The following PCDH15 variants were observed in gnomAD, a reference collection of about 807,000 sequenced individuals.
PCDH15 encodes protocadherin-15.
PCDH15 carries 129 observed loss-of-function variants against 178.5 expected under a neutral mutation model. The observed-to-expected ratio is 0.72, with a 90% confidence interval of 0.63 to 0.84. The LOEUF is 0.84. Among genes scored for constraint, PCDH15 ranks in the 40% least tolerant of loss-of-function variants. PCDH15 has a pLI of 0.00. For synonymous variants in PCDH15, 800 were observed against 732.0 expected (o/e 1.09, Z -1.50); for missense variants, 2,230 against 2,099.9 (o/e 1.06, Z -1.21).
intron 1 of PCDH15, among the ~76,000 whole-genome samples, chr10:54,665,023 A>G (rs145097848): frequency 6.6e-6 from 1 of 152,038 alleles, no homozygotes; most frequent in Non-Finnish European, 1.5e-5. Context: ...AATTTAGGAA[A>G]TTATCCACAC....
At chr10:54,674,573 A>G (rs2094745665) in intron 1 of PCDH15, among the ~76,000 whole-genome samples, 1 of 152,120 alleles carries the variant, frequency 6.6e-6, no homozygotes, top group African/African-American at 2.4e-5. Context: ...TTATAAATCT[A>G]CATGGTTAAA....
intron 2 of PCDH15, chr10:54,600,293 G>A (rs2092463096): frequency 1.8e-6 from 1 of 544,728 alleles, no homozygotes; most frequent in Admixed American, 2.4e-5. Flanking sequence ...GAGAAGGAAG[G>A]GAGTGATAAA....
At chr10:54,650,894 AGAT>A (rs1401078455) in intron 2 of PCDH15, among the ~76,000 whole-genome samples, 3 of 152,212 alleles carry the variant, frequency 2.0e-5, no homozygotes, top group African/African-American at 7.2e-5. Context: ...CTAAAATTCA[AGAT>A]GATATTTGGG....
chr10:55,380,197 G>C (rs755219956), intron 2 of PCDH15, among the ~76,000 whole-genome samples: 1 of 152,092 alleles, frequency 6.6e-6, no homozygotes, highest in Admixed American at 6.6e-5. Flanking sequence ...TATAAAGAGA[G>C]TAAATGGTGT....
rs775406762 is a variant in PCDH15 at position 54,153,230 on chromosome 10, C to G, written c.1654G>C (p.Ala552Pro). 4 of 1,613,832 alleles carry G rather than the reference C, an allele frequency of 2.5e-6. No individual in the cohort carries two copies. Among genetic ancestry groups the G allele is most frequent in the Non-Finnish European group, 2.5e-6 (3 of 1,179,868 alleles). The change falls in exon 14 of 38, where the codon GCT becomes CCT. Residue 552 changes from alanine to proline, a missense_variant. Physicochemically the swap from Ala to Pro is conservative, Grantham distance 27. Coordinates refer to ENST00000644397, the MANE Select transcript of PCDH15 (RefSeq NM_001384140.1). Reference sequence around the variant, plus strand: ...TTATTGATGATGAAGTCTCCCTGAGCCCCAACAAGGATTTCATATGTGATC... The same window carrying G: ...TTATTGATGATGAAGTCTCCCTGAGGCCCAACAAGGATTTCATATGTGATC... ...GEITYEILVG[A>P]QGDFIINKTT...
chr10:54,526,444 T>C (rs543563383), intron 3 of PCDH15, among the ~76,000 whole-genome samples: 46 of 152,320 alleles, frequency 3.0e-4, no homozygotes, highest in African/African-American at 1.1e-3. Flanking sequence ...TTAGAAAATA[T>C]AGATTTCTTT....
intron 2 of PCDH15, among the ~76,000 whole-genome samples, chr10:55,611,566 A>G (rs1428307547): frequency 6.6e-6 from 1 of 152,098 alleles, no homozygotes; most frequent in Non-Finnish European, 1.5e-5. Context: ...AATGTAAATT[A>G]GTGCAGCCAT....
chr10:55,456,321 A>G (rs1320742635), intron 2 of PCDH15, among the ~76,000 whole-genome samples: 3 of 152,120 alleles, frequency 2.0e-5, no homozygotes, highest in African/African-American at 7.2e-5. Context: ...GAGGCGAGCA[A>G]GAAAAGTTAT....
chr10:55,394,787 G>A (rs1837881181), intron 2 of PCDH15, among the ~76,000 whole-genome samples: 1 of 151,882 alleles, frequency 6.6e-6, no homozygotes, highest in African/African-American at 2.4e-5. Context: ...ATTGTGTTTG[G>A]ATATATTATA....
chr10:55,383,690 C>T (rs1020030475), intron 2 of PCDH15, among the ~76,000 whole-genome samples: 1 of 152,130 alleles, frequency 6.6e-6, no homozygotes, highest in Non-Finnish European at 1.5e-5. Flanking sequence ...CTCATAGACA[C>T]TTGTAGTAGT....
At chr10:55,293,980 A>G (rs1013983393) in intron 1 of PCDH15, among the ~76,000 whole-genome samples, 2 of 152,078 alleles carry the variant, frequency 1.3e-5, no homozygotes, top group African/African-American at 4.8e-5. Context: ...TCATTTCCAT[A>G]CTGCTAATAA....
chr10:54,984,765 G>C (rs959564594), intron 2 of PCDH15, among the ~76,000 whole-genome samples: 6 of 152,120 alleles, frequency 3.9e-5, no homozygotes, highest in Admixed American at 6.5e-5. Context: ...TTGAACCAAG[G>C]AAGCAAGGCT....
intron 8 of PCDH15, among the ~76,000 whole-genome samples, chr10:54,278,939 C>T (rs12265439): frequency 0.19 from 29,084 of 151,360 alleles, 2,898 homozygotes; most frequent in Admixed American, 0.22. Flanking sequence ...TCTGCACTTA[C>T]TTGTTGTTTC....
chr10:55,388,211 C>T (rs905676591), intron 2 of PCDH15, among the ~76,000 whole-genome samples: 7 of 152,004 alleles, frequency 4.6e-5, no homozygotes, highest in Non-Finnish European at 8.8e-5. Context: ...CCCGCCAAGC[C>T]AAATTCCTAT....
chr10:55,339,979 A>G (rs1844505816), intron 2 of PCDH15, among the ~76,000 whole-genome samples: 1 of 151,466 alleles, frequency 6.6e-6, no homozygotes, highest in African/African-American at 2.4e-5. Flanking sequence ...AGAGAAAGAT[A>G]AAGAGACTGT....
chr10:54,237,312 G>T (rs1407961264), intron 8 of PCDH15, among the ~76,000 whole-genome samples: 1 of 151,936 alleles, frequency 6.6e-6, no homozygotes, highest in Admixed American at 6.6e-5. Flanking sequence ...AAGAATACTT[G>T]TATTCTTTCC....
chr10:55,338,079 G>A (rs1844446482), intron 2 of PCDH15, among the ~76,000 whole-genome samples: 1 of 152,052 alleles, frequency 6.6e-6, no homozygotes, highest in Non-Finnish European at 1.5e-5. Flanking sequence ...AATCATTAGA[G>A]AAATGCAAAT....
intron 26 of PCDH15, among the ~76,000 whole-genome samples, chr10:53,868,648 T>C (rs2079618396): frequency 6.6e-6 from 1 of 152,160 alleles, no homozygotes; most frequent in Non-Finnish European, 1.5e-5. Flanking sequence ...TAGTAAATCA[T>C]AGCAAATGTG....
chr10:55,332,790 C>A (rs1158517901), intron 2 of PCDH15, among the ~76,000 whole-genome samples: 6 of 152,138 alleles, frequency 3.9e-5, no homozygotes, highest in African/African-American at 1.4e-4. Context: ...CTTTTGCCTG[C>A]CACCATGTAA....
Sources: allele counts gnomAD v4.1 joint callset (sites outside exome capture counted in the v4.1 genomes callset), GRCh38; gene constraint gnomAD v4.1.1; transcripts MANE v1.5; gene names NCBI Gene and HGNC (gene_info 2026-07-23, HGNC 2026-07-21).